Variants in MFHAS1 observed in about 807,000 individuals in gnomAD.
MFHAS1 encodes the protein malignant fibrous histiocytoma-amplified sequence 1.
A neutral mutation model predicts 70.4 loss-of-function variants in MFHAS1; 50 were observed. The observed-to-expected ratio is 0.71, with a 90% CI of 0.57 to 0.90. The LOEUF (loss-of-function observed/expected upper bound fraction) is 0.90. Ranked by LOEUF, MFHAS1 falls within the 40% of genes least tolerant of loss-of-function variation. The pLI is 0.00. For synonymous variants in MFHAS1, 952 were observed against 620.0 expected, an observed-to-expected ratio of 1.54 and a Z score of -7.96; for missense variants, 1,795 against 1,347.6, an observed-to-expected ratio of 1.33 and a Z score of -5.20.
At chr8:8,883,646 T>C (rs1232238928) in intron 1 of MFHAS1, among the ~76,000 whole-genome samples, 3 of 133,212 alleles carry the variant, frequency 2.3e-5, no homozygotes, top group Admixed American at 1.8e-4. Flanking sequence ...AGGTGGAGGT[T>C]GCAATGAGCT....
At chr8:8,828,876 C>T (rs890257199) in intron 1 of MFHAS1, among the ~76,000 whole-genome samples, 1 of 152,170 alleles carries the variant, frequency 6.6e-6, no homozygotes, top group African/African-American at 2.4e-5. Flanking sequence ...AGTGGCCGAG[C>T]TCTTATCCCG....
chr8:8,806,012 G>GTTTGT lies in MFHAS1; in HGVS notation c.2999-8526_2999-8522dup, dbSNP rs775866810. Among the ~76,000 whole-genome samples, 512 of 144,018 alleles carry GTTTGT rather than the reference G, an allele frequency of 3.6e-3. 7 individuals are homozygous for GTTTGT. Among genetic ancestry groups the GTTTGT allele is most frequent in the African/African-American group, 0.014 (489 of 33,896 alleles). The allele number at this position is 144,018 out of a possible 152,430, so 94.5% of individuals were successfully genotyped here. A position where few individuals can be genotyped will look rare whatever the true frequency, so the allele number is the denominator to read the frequency against. ...ACTGTGCCTGGCCGTTTGGGGGTTT[G>GTTTGT]TTTGTTTTGTTTTGTTTTAAAAATA... is the stretch of plus-strand genomic sequence containing the variant. On this transcript the variant is annotated intron_variant, in intron 1 of 2. Transcript: ENST00000276282.
At chr8:8,883,033 G>C (rs1327385186) in intron 1 of MFHAS1, among the ~76,000 whole-genome samples, 1 of 151,908 alleles carries the variant, frequency 6.6e-6, no homozygotes, top group Admixed American at 6.5e-5. Context: ...CACCCCTGTA[G>C]TCCCAGCTAT....
chr8:8,892,329 C>A lies in MFHAS1; in HGVS notation c.730G>T (p.Ala244Ser). 6.2e-7 allele frequency: 1 copy of A among 1,612,048 alleles called. No homozygotes were observed. The highest frequency in any genetic ancestry group is 8.5e-7 in the Non-Finnish European group (1 of 1,180,000). ...AAACTGGCCAGCTCGCAGAAGCCGGCGGGCAGCGTGCCAAGCTCGGCCCCA... is the reference window on the plus strand; with the variant it reads ...AAACTGGCCAGCTCGCAGAAGCCGGAGGGCAGCGTGCCAAGCTCGGCCCCA... ...LSGAELGTLPAGFCELASLES... is the reference protein window; with the variant it reads ...LSGAELGTLPSGFCELASLES... Residue 244 changes from alanine to serine, a missense_variant, in exon 1 of 3, where the codon GCC becomes TCC. Transcript: ENST00000276282. This position sits in a 1 kb window ranked among gnomAD's most constrained non-coding sequence, Gnocchi z 4.7.
At chr8:8,794,635 C>T (rs1245768652) in intron 2 of MFHAS1, among the ~76,000 whole-genome samples, 2 of 152,160 alleles carry the variant, frequency 1.3e-5, no homozygotes, top group African/African-American at 4.8e-5. Flanking sequence ...TTCCAAGAAA[C>T]GTCTTGCCAG....
intron 2 of MFHAS1, among the ~76,000 whole-genome samples, chr8:8,796,987 C>G (rs909254202): frequency 1.3e-5 from 2 of 152,060 alleles, no homozygotes; most frequent in African/African-American, 2.4e-5. Flanking sequence ...CAGAGCGAGA[C>G]TCCATCTCAA....
intron 1 of MFHAS1, among the ~76,000 whole-genome samples, chr8:8,801,842 A>G (rs1806092815): frequency 1.3e-5 from 2 of 152,128 alleles, no homozygotes; most frequent in Non-Finnish European, 2.9e-5. Flanking sequence ...GTCCTGTATG[A>G]TGAGGCCCCC....
intron 1 of MFHAS1, among the ~76,000 whole-genome samples, chr8:8,833,216 G>A (rs1807473317): frequency 6.6e-6 from 1 of 152,142 alleles, no homozygotes; most frequent in Admixed American, 6.5e-5. Flanking sequence ...TCTCCCACCA[G>A]GCCCCACCTT....
Position 8,890,353 on chromosome 8 carries a change from G to A in MFHAS1, c.2706C>T (p.Ile902=). ...CCGACCTGTGCACCACATGGCTGTTGATCTGGACACTGTAGCGTGCAAACA... is the reference window on the plus strand; with the variant it reads ...CCGACCTGTGCACCACATGGCTGTTAATCTGGACACTGTAGCGTGCAAACA... ...LGLFARYSVQ[I]NSHVVHRSDG... Residue 902 remains isoleucine (I), a synonymous_variant, in exon 1 of 3, where the codon ATC becomes ATT. Coordinates refer to ENST00000276282, the MANE Select transcript of MFHAS1 (RefSeq NM_004225.3). 6.2e-7 allele frequency: 1 copy of A among 1,614,202 alleles called. No homozygotes were observed. The highest frequency in any genetic ancestry group is 8.5e-7 in the Non-Finnish European group (1 of 1,180,050).
chr8:8,796,230 G>A (rs1366930042), intron 2 of MFHAS1, among the ~76,000 whole-genome samples: 2 of 152,174 alleles, frequency 1.3e-5, no homozygotes, highest in Non-Finnish European at 2.9e-5. Context: ...TTTGGGGCAA[G>A]GTGGTGGCAA....
At chr8:8,812,586 T>C (rs917866129) in intron 1 of MFHAS1, among the ~76,000 whole-genome samples, 3 of 152,182 alleles carry the variant, frequency 2.0e-5, no homozygotes, top group African/African-American at 7.2e-5. Context: ...TCATTACTTC[T>C]TATATTTGAC....
At chr8:8,889,012 GAA>G (rs66863310) in intron 1 of MFHAS1, among the ~76,000 whole-genome samples, 6 of 40,678 alleles carry the variant, frequency 1.5e-4, no homozygotes, top group African/African-American at 4.7e-4. Flanking sequence ...ACTGCTCTAA[GAA>G]AAAAAAAAAA....
rs752622637 is a variant in MFHAS1, at chr8:8,890,980, C to T, written c.2079G>A (p.Ala693=). 10 of 1,613,812 alleles carry T rather than the reference C, an allele frequency of 6.2e-6. No individual in the cohort carries two copies. The South Asian group carries it at 7.7e-5, about 12-fold the overall frequency. ...TCTGCAGTCGGTCCTCGGTCAGACC[C>T]GCCTGCAGGCCCAAGCGCGCCGAGT... ...WWDSARLGLQ[A]GLTEDRLQSA... is the part of the protein sequence containing the mutation. The change falls in exon 1 of 3, where the codon GCG becomes GCA. Residue 693 remains alanine, a synonymous_variant. Transcript: ENST00000276282.
intron 1 of MFHAS1, among the ~76,000 whole-genome samples, chr8:8,824,471 C>A (rs934622364): frequency 6.9e-6 from 1 of 143,970 alleles, no homozygotes; most frequent in Admixed American, 7.2e-5. Context: ...AGATGCAGTG[C>A]TAGGGTGAGG....
At chr8:8,849,637 G>A (rs542364047) in intron 1 of MFHAS1, among the ~76,000 whole-genome samples, 257 of 152,308 alleles carry the variant, frequency 1.7e-3, no homozygotes, top group African/African-American at 6.0e-3. Flanking sequence ...AATGCATTTT[G>A]TGTCTCCTGG....
Position 8,887,964 on chromosome 8 carries a change from A to G in MFHAS1, c.2998+2097T>C, listed in dbSNP as rs1039094949. Among the ~76,000 whole-genome samples the G allele has an allele frequency of 6.0e-4, 91 of 152,226 alleles. 1 individual carries two copies. The highest frequency in any genetic ancestry group is 2.1e-3 in the African/African-American group (86 of 41,528). On this transcript the variant is annotated intron_variant, in intron 1 of 2. Coordinates refer to ENST00000276282, the MANE Select transcript of MFHAS1 (RefSeq NM_004225.3). ...TATGTCTCTCCTTTTGTTGTTAATA[A>G]CATTCGTTTTTATTACTTTGGATTA...
chr8:8,877,380 TCA>T (rs1809338715), intron 1 of MFHAS1, among the ~76,000 whole-genome samples: 1 of 151,088 alleles, frequency 6.6e-6, no homozygotes, highest in Admixed American at 6.6e-5. Flanking sequence ...GTGAGTAGTG[TCA>T]CACACAAAAA....
At chr8:8,835,968 G>C (rs1034127998) in intron 1 of MFHAS1, among the ~76,000 whole-genome samples, 1 of 152,224 alleles carries the variant, frequency 6.6e-6, no homozygotes, top group African/African-American at 2.4e-5. Flanking sequence ...CAGTGGCACA[G>C]GTAGGTGGTT....
chr8:8,869,192 T>C (rs1349626300), intron 1 of MFHAS1, among the ~76,000 whole-genome samples: 1 of 152,110 alleles, frequency 6.6e-6, no homozygotes, highest in Non-Finnish European at 1.5e-5. Flanking sequence ...AAGTTGATAA[T>C]GAAAAATCAA....
Sources: allele counts gnomAD v4.1 joint callset (sites outside exome capture counted in the v4.1 genomes callset), GRCh38; gene constraint gnomAD v4.1.1; non-coding constraint Gnocchi (gnomAD v3.1); transcripts MANE v1.5; gene names NCBI Gene and HGNC (gene_info 2026-07-23, HGNC 2026-07-21).